Variants in RNF167 observed in about 807,000 individuals in gnomAD.
The protein encoded by RNF167 is E3 ubiquitin-protein ligase RNF167.
Under a neutral mutation model 34.8 loss-of-function variants are expected in RNF167, and 19 were observed. That is an observed-to-expected ratio of 0.55 (90% CI 0.38 to 0.80). RNF167 has a LOEUF of 0.80. Ranked by LOEUF, RNF167 falls within the 30% of genes least tolerant of loss-of-function variation. RNF167 has a pLI of 0.00. For synonymous variants in RNF167, 200 were observed against 170.4 expected (o/e 1.17, Z -1.35); for missense variants, 464 against 447.0 (o/e 1.04, Z -0.34).
chr17:4,940,936 T>G lies in RNF167; in HGVS notation c.27T>G (p.Pro9=), dbSNP rs549962523. Residue 9 remains proline, a synonymous_variant, in exon 2 of 10, where the codon CCT becomes CCG. Coordinates refer to ENST00000262482, the MANE Select transcript of RNF167 (RefSeq NM_015528.3). ...TGCACCCTGCAGCCTTCCCGCTTCC[T>G]GTGGTTGTGGCCGCTGTGCTGTGGG... MHPAAFPL[P]VVVAAVLWGA... is the part of the protein sequence containing the mutation. 1 of 1,609,604 alleles carries G rather than the reference T, an allele frequency of 6.2e-7. No homozygotes were observed. The highest frequency in any genetic ancestry group is 8.5e-7 in the Non-Finnish European group (1 of 1,177,156).
At position 4,945,016 on chromosome 17, in the gene RNF167, A is replaced by G; in HGVS notation, c.1053A>G (p.Ter351=). Residue 351 remains the stop codon, a stop_retained_variant, in exon 10 of 10, where the codon TAA becomes TAG. Transcript: ENST00000262482. The part of the protein sequence containing the change: ...SPPSSPVILV[*] ...CCTCTTCCCCTGTTATCCTGGTCTA[A>G]TAACCCCCCACACATACACCTCTGG... 1 of 1,534,874 alleles carries G rather than the reference A, an allele frequency of 6.5e-7. No individual in the cohort carries two copies. The highest frequency in any genetic ancestry group is 1.3e-5 in the South Asian group (1 of 78,420).
chr17:4,941,210 C>CT (rs946148643), intron 3 of RNF167, 53 bp downstream of exon 3: 4 of 1,516,184 alleles, frequency 2.6e-6, no homozygotes, highest in African/African-American at 1.4e-5. Flanking sequence ...CCTTTTCTGT[C>CT]TTTTTTCTTT....
Position 4,943,239 on chromosome 17 carries a change from C to T in RNF167, c.531C>T (p.Phe177=), listed in dbSNP as rs1328812861. 1.2e-6 allele frequency: 2 copies of T among 1,614,000 alleles called. No homozygotes were observed. The highest frequency in any genetic ancestry group is 2.2e-5 in the East Asian group (1 of 44,890). ...TFPLGYYLIP[F]TGIVGLLVLA... is the part of the protein sequence containing the mutation. ...CCTTGGGCTATTACCTCATCCCTTTCACAGGGATTGTGGGACTGCTGGTTT... is the reference window on the plus strand; with the variant it reads ...CCTTGGGCTATTACCTCATCCCTTTTACAGGGATTGTGGGACTGCTGGTTT... The change falls in exon 7 of 10, where the codon TTC becomes TTT. Residue 177 remains phenylalanine, a synonymous_variant. Coordinates refer to ENST00000262482, the MANE Select transcript of RNF167 (RefSeq NM_015528.3).
In RNF167 at chr17:4,945,121, C is replaced by A. The variant is rs1052784248; in HGVS notation, c.*105C>A. 3.7e-6 allele frequency: 4 copies of A among 1,085,606 alleles called. No homozygotes were observed. In the Admixed American group the frequency reaches 1.1e-4, roughly 29 times the overall value. 67.2% of individuals were successfully genotyped at this position (1,085,606 alleles called of 1,614,324 possible). On this transcript the variant is annotated 3_prime_UTR_variant, in exon 10 of 10. Transcript: ENST00000262482. ...CATTCCATCCCAAGCTTCTCCCTTA[C>A]CCACACCTATCCTTTTGAGGGGCTT...
intron 3 of RNF167, 28 bp downstream of exon 3, chr17:4,941,185 T>C: frequency 6.4e-7 from 1 of 1,559,828 alleles, no homozygotes; most frequent in Non-Finnish European, 8.8e-7. Flanking sequence ...CTTTTCCTCC[T>C]TCCCTCCCTT....
Position 4,942,954 on chromosome 17 carries a change from C to T in RNF167, c.470+13C>T. 6.2e-7 allele frequency: 1 copy of T among 1,608,916 alleles called. No individual in the cohort carries two copies. The highest frequency in any genetic ancestry group is 1.3e-5 in the African/African-American group (1 of 74,926). ...TCTACGAGAAGGGGTAGGACATGTG[C>T]CTCCTTCCCATTCTTCCTTCAGCAA... On this transcript the variant is annotated intron_variant, in intron 6 of 9. Transcript: ENST00000262482.
In RNF167 at chr17:4,942,178, C is replaced by A. The variant is rs1970877431; in HGVS notation, c.166-163C>A. 2.6e-5 allele frequency among the ~76,000 whole-genome samples: 4 copies of A among 152,074 alleles called. No individual in the cohort carries two copies. The South Asian group carries it at 8.3e-4, about 32-fold the overall frequency. ...TTTATGTCATTGCCTTTTCAAGAGG[C>A]TAAGAGAAGGTTGTGATGGTGGGAT... is the stretch of plus-strand genomic sequence containing the variant. On this transcript the variant is annotated intron_variant, in intron 3 of 9. Transcript: ENST00000262482.
At position 4,941,113 on chromosome 17, in the gene RNF167, C is replaced by T. The variant is rs577524032; in HGVS notation, c.121C>T (p.Leu41Phe). 1.9e-6 allele frequency: 3 copies of T among 1,614,252 alleles called. No individual in the cohort carries two copies. The highest frequency in any genetic ancestry group is 1.1e-5 in the South Asian group (1 of 91,086). The change falls in exon 3 of 10, where the codon CTT (leucine) becomes TTT (phenylalanine). Residue 41 changes from leucine to phenylalanine, a missense_variant. Leu to Phe is a conservative substitution (Grantham distance 22). Transcript: ENST00000262482. ...CAATGCCAGCATGGACTTTGCAGACCTTCCAGCTCTGTTTGGGGCTACCTT... is the reference window on the plus strand; with the variant it reads ...CAATGCCAGCATGGACTTTGCAGACTTTCCAGCTCTGTTTGGGGCTACCTT... ...DHNASMDFAD[L>F]PALFGATLSQ... is the part of the protein sequence containing the mutation.
Position 4,942,880 on chromosome 17 carries a change from T to A in RNF167, c.409T>A (p.Ser137Thr). ...EEIQQQIWIP[S>T]VFIGERSSEY... ...AATCCAGCAGCAGATCTGGATCCCG[T>A]CTGTATTTATTGGGGAGAGAAGCTC... is the stretch of plus-strand genomic sequence containing the variant. The change falls in exon 6 of 10, where the codon TCT becomes ACT. Residue 137 changes from serine to threonine, a missense_variant. Coordinates refer to ENST00000262482, the MANE Select transcript of RNF167 (RefSeq NM_015528.3). 6.2e-7 allele frequency: 1 copy of A among 1,614,146 alleles called. No homozygotes were observed. Among genetic ancestry groups the A allele is most frequent in the Non-Finnish European group, 8.5e-7 (1 of 1,180,004 alleles).
At position 4,943,435 on chromosome 17, in the gene RNF167, T is replaced by C. The variant is rs779775321; in HGVS notation, c.586T>C (p.Cys196Arg). The change falls in exon 8 of 10, where the codon TGT (cysteine) becomes CGT (arginine). Residue 196 changes from cysteine to arginine, a missense_variant. Cys to Arg is a radical substitution (Grantham distance 180). Transcript: ENST00000262482. ...LAMGAVMIAR[C>R]IQHRKRLQRN... ...CCCCCGCTTCCCCCAGATAGCTCGTTGTATCCAGCACCGGAAACGGCTCCA... is the reference window on the plus strand; with the variant it reads ...CCCCCGCTTCCCCCAGATAGCTCGTCGTATCCAGCACCGGAAACGGCTCCA... 1.9e-6 allele frequency: 3 copies of C among 1,613,886 alleles called. No homozygotes were observed. In the South Asian group the frequency reaches 3.3e-5, roughly 18 times the overall value.
At position 4,940,271 on chromosome 17, in the gene RNF167, C is replaced by T. The variant is rs145971506; in HGVS notation, c.-513C>T. The T allele has an allele frequency of 9.9e-5, 20 of 202,744 alleles. No individual in the cohort carries two copies. Among genetic ancestry groups the T allele is most frequent in the Non-Finnish European group, 1.4e-4 (15 of 104,062 alleles). The allele number at this position is 202,744 out of a possible 1,614,324, so 12.6% of individuals were successfully genotyped here. On this transcript the variant is annotated 5_prime_UTR_variant, in exon 1 of 10. Coordinates refer to ENST00000262482, the MANE Select transcript of RNF167 (RefSeq NM_015528.3). ...CAAGTTGGAGCGCTCTCGCGATAGA[C>T]ACAGCAACTATTCAGCTGCGAGGGG... is the stretch of plus-strand genomic sequence containing the variant.
At chr17:4,943,561 C>T (rs1349935199) in intron 8 of RNF167, 42 bp downstream of exon 8, 10 of 1,510,830 alleles carry the variant, frequency 6.6e-6, no homozygotes, top group Non-Finnish European at 9.2e-6. Flanking sequence ...CCACAGTTTA[C>T]CTGGTTCTGA....
At chr17:4,943,972 A>G (rs948450263) in intron 8 of RNF167, among the ~76,000 whole-genome samples, 3 of 152,230 alleles carry the variant, frequency 2.0e-5, no homozygotes, top group Non-Finnish European at 4.4e-5. Context: ...AGCCTGGGCG[A>G]CAGAGGGAGT....
rs915212478 is a variant in RNF167 at position 4,944,377 on chromosome 17, C to T, written c.671-181C>T. On this transcript the variant is annotated intron_variant, in intron 8 of 9. Transcript: ENST00000262482. ...CACTTCCCTTCTTACCTCTGCTTCT[C>T]TTTGCTTGTCCCTTCTAGCCCTAAA... 4 of 1,341,480 alleles carry T rather than the reference C, an allele frequency of 3.0e-6. No homozygotes were observed. In the African/African-American group the frequency reaches 4.5e-5, roughly 15 times the overall value. The allele number at this position is 1,341,480 out of a possible 1,614,324, so 83.1% of individuals were successfully genotyped here. A position where few individuals can be genotyped will look rare whatever the true frequency, so the allele number is the denominator to read the frequency against.
Position 4,945,059 on chromosome 17 carries a change from C to G in RNF167, c.*43C>G, listed in dbSNP as rs1971281125. 8 of 1,460,822 alleles carry G rather than the reference C, an allele frequency of 5.5e-6. No homozygotes were observed. The highest frequency in any genetic ancestry group is 6.4e-6 in the Non-Finnish European group (7 of 1,088,650). 90.5% of individuals were successfully genotyped at this position (1,460,822 alleles called of 1,614,324 possible). ...ACCTCTGGTGACCTATTTGCACAGA[C>G]CGTCGTCTTCCCTCCAGTCTTCTGA... On this transcript the variant is annotated 3_prime_UTR_variant, in exon 10 of 10. Transcript: ENST00000262482.
At chr17:4,941,243 C>A in intron 3 of RNF167, 86 bp downstream of exon 3, 2 of 1,240,754 alleles carry the variant, frequency 1.6e-6, no homozygotes, top group Non-Finnish European at 1.1e-6. Flanking sequence ...GCAAGATCCT[C>A]CATCCTAGGC....
chr17:4,943,065 T>C, intron 6 of RNF167, 114 bp from the exon 7 acceptor site: 1 of 1,295,474 alleles, frequency 7.7e-7, no homozygotes, highest in Admixed American at 1.9e-5. Context: ...CTCTTTGACT[T>C]TCTTCCCATT....
chr17:4,943,462 C>T lies in RNF167; in HGVS notation c.613C>T (p.Arg205Trp), dbSNP rs1395708909. The change falls in exon 8 of 10, where the codon CGG (arginine) becomes TGG (tryptophan). Residue 205 changes from arginine to tryptophan, a missense_variant. Coordinates refer to ENST00000262482, the MANE Select transcript of RNF167 (RefSeq NM_015528.3). ...RCIQHRKRLQ[R>W]NRLTKEQLKQ... ...TATCCAGCACCGGAAACGGCTCCAG[C>T]GGAATCGACTTACCAAAGAGCAACT... 7 of 1,613,844 alleles carry T rather than the reference C, an allele frequency of 4.3e-6. No homozygotes were observed. The highest frequency in any genetic ancestry group is 3.3e-5 in the South Asian group (3 of 91,032).
At chr17:4,942,121 AGG>A (rs1970872243) in intron 3 of RNF167, among the ~76,000 whole-genome samples, 1 of 152,238 alleles carries the variant, frequency 6.6e-6, no homozygotes, top group Admixed American at 6.5e-5. Flanking sequence ...GGACAGCGAG[AGG>A]GATGATGGGA....
Sources: gnomAD v4.1 joint callset for allele counts (sites outside exome capture counted in the v4.1 genomes callset) on GRCh38, gnomAD v4.1.1 for gene constraint, MANE v1.5 for transcripts, NCBI Gene and HGNC (gene_info 2026-07-23, HGNC 2026-07-21) for gene names.